The following GPC3 variants were observed in gnomAD, a reference collection of about 807,000 sequenced individuals.
GPC3 encodes the protein glypican-3.
In GPC3, 3 loss-of-function variants were observed where a neutral mutation model predicts 34.4. The ratio of observed to expected loss-of-function variants is 0.09; its 90% CI spans 0.04 to 0.23. The LOEUF (loss-of-function observed/expected upper bound fraction) is 0.23. Ranked by LOEUF, GPC3 falls within the 10% of genes least tolerant of loss-of-function variation. The probability of loss-of-function intolerance (pLI) is 1.00; values close to 1 mark genes in which losing one functional copy is unlikely to be tolerated. For missense variants in GPC3, 351 were observed against 445.6 expected (o/e 0.79, Z 1.91); for synonymous variants, 177 against 174.0 (o/e 1.02, Z -0.13).
At chrX:133,569,416 G>T (rs1398221516) in intron 7 of GPC3, among the ~76,000 whole-genome samples, 1 of 111,383 alleles carries the variant, frequency 9.0e-6, no homozygotes, top group Non-Finnish European at 1.9e-5. Flanking sequence ...GTGGGTCTGT[G>T]TGTGACTGAT....
In GPC3 at chrX:133,709,326, T is replaced by A. The variant is rs901508860; in HGVS notation, c.1033-9298A>T. On this transcript the variant is annotated intron_variant, in intron 3 of 7. Transcript: ENST00000370818. ...TTAATTATCAACTCTGATCTAGTTG[T>A]CTACTTTGGATGAGTATTACCTGTG... Among the ~76,000 whole-genome samples, 5 of 111,665 alleles carry A rather than the reference T, an allele frequency of 4.5e-5. No individual in the cohort carries two copies. The South Asian group carries it at 1.9e-3, about 42-fold the overall frequency.
intron 5 of GPC3, among the ~76,000 whole-genome samples, chrX:133,667,513 G>A (rs1419537464): frequency 9.0e-6 from 1 of 111,470 alleles, no homozygotes; most frequent in African/African-American, 3.3e-5. Flanking sequence ...CAAACCTTAG[G>A]TGGTTGACAT....
At chrX:133,881,069 T>G (rs1309154382) in intron 2 of GPC3, among the ~76,000 whole-genome samples, 1 of 112,344 alleles carries the variant, frequency 8.9e-6, no homozygotes, top group African/African-American at 3.2e-5. Flanking sequence ...AAGCCAAGTT[T>G]GTTAATCATT....
chrX:133,887,432 C>A (rs779514229), intron 2 of GPC3, among the ~76,000 whole-genome samples: 1 of 112,153 alleles, frequency 8.9e-6, no homozygotes, highest in Non-Finnish European at 1.9e-5. Flanking sequence ...TGATGTTGAG[C>A]ATTTTTTTCA....
At chrX:133,666,735 T>C (rs1481919457) in intron 5 of GPC3, among the ~76,000 whole-genome samples, 1 of 112,208 alleles carries the variant, frequency 8.9e-6, no homozygotes, top group Non-Finnish European at 1.9e-5. Context: ...CTGTATGTGT[T>C]GATATGGAAT....
intron 6 of GPC3, among the ~76,000 whole-genome samples, chrX:133,641,400 C>T (rs1483447172): frequency 5.5e-5 from 6 of 108,617 alleles, no homozygotes; most frequent in South Asian, 4.4e-4. Context: ...TGCTTGAACC[C>T]GGGAGGCAGA....
At chrX:133,756,175 G>C (rs1260785165) in intron 2 of GPC3, among the ~76,000 whole-genome samples, 1 of 112,275 alleles carries the variant, frequency 8.9e-6, no homozygotes, top group African/African-American at 3.2e-5. Flanking sequence ...CAAAATTGAG[G>C]CTCAGTAGAG....
rs748458384 is a variant in GPC3, at chrX:133,753,988, G to C, written c.526C>G (p.Pro176Ala). 2 of 1,209,286 alleles carry C rather than the reference G, an allele frequency of 1.7e-6. No homozygotes were observed. Among genetic ancestry groups the C allele is most frequent in the Non-Finnish European group, 2.2e-6 (2 of 894,812 alleles). Residue 176 changes from proline to alanine, a missense_variant, in exon 3 of 8, where the codon CCA becomes GCA. Pro to Ala is a conservative substitution (Grantham distance 27). Coordinates refer to ENST00000370818, the MANE Select transcript of GPC3 (RefSeq NM_004484.4). ...MVNELFDSLF[P>A]VIYTQLMNPG... ...TTCATTAGCTGGGTATAGATGACTG[G>C]AAACAGGCTGTCAAACAATTCATTG...
chrX:133,854,871 T>C (rs755698892), intron 2 of GPC3, among the ~76,000 whole-genome samples: 6 of 112,055 alleles, frequency 5.4e-5, no homozygotes, highest in Non-Finnish European at 1.1e-4. Context: ...TCCACACAAG[T>C]GAATTCTATG....
chrX:133,685,489 A>T (rs1307332882), intron 5 of GPC3, among the ~76,000 whole-genome samples: 1 of 111,814 alleles, frequency 8.9e-6, no homozygotes, highest in Non-Finnish European at 1.9e-5. Flanking sequence ...TAAGCAGAGA[A>T]ATCCTGAAGA....
chrX:133,911,919 A>G (rs1379295319), intron 2 of GPC3, among the ~76,000 whole-genome samples: 1 of 111,900 alleles, frequency 8.9e-6, no homozygotes, highest in African/African-American at 3.2e-5. Flanking sequence ...AGTAGTATCA[A>G]GTTTAAAATT....
chrX:133,657,492 G>A lies in GPC3; in HGVS notation c.1413+4238C>T, dbSNP rs189402205. 6.7e-3 allele frequency among the ~76,000 whole-genome samples: 747 copies of A among 111,696 alleles called. 6 individuals are homozygous for A. The highest frequency in any genetic ancestry group is 0.023 in the African/African-American group (704 of 30,671). Reference sequence around the variant, plus strand: ...CAGGACTGACACTGAGGACATAAAAGAGTTCAATTCTTTTCCTAACACAAG... The same window carrying A: ...CAGGACTGACACTGAGGACATAAAAAAGTTCAATTCTTTTCCTAACACAAG... On this transcript the variant is annotated intron_variant, in intron 6 of 7. Transcript: ENST00000370818.
At chrX:133,975,897 A>T (rs2076512638) in intron 1 of GPC3, among the ~76,000 whole-genome samples, 1 of 111,944 alleles carries the variant, frequency 8.9e-6, no homozygotes, top group Non-Finnish European at 1.9e-5. Context: ...ATGAAACCTA[A>T]CCTGGAAACT....
intron 2 of GPC3, among the ~76,000 whole-genome samples, chrX:133,888,389 T>A (rs901887212): frequency 8.9e-6 from 1 of 112,001 alleles, no homozygotes; most frequent in Non-Finnish European, 1.9e-5. Flanking sequence ...AACATACGTG[T>A]ACATGTGTCT....
intron 1 of GPC3, among the ~76,000 whole-genome samples, chrX:133,961,183 T>C (rs2076439795): frequency 9.0e-6 from 1 of 111,331 alleles, no homozygotes. Context: ...CCTTCTGTTA[T>C]TTAGCCTGAA....
chrX:133,813,990 G>T (rs1188733345), intron 2 of GPC3, among the ~76,000 whole-genome samples: 1 of 112,012 alleles, frequency 8.9e-6, no homozygotes, highest in Non-Finnish European at 1.9e-5. Context: ...CGTCAGAAAT[G>T]TAAAGGAGCC....
chrX:133,707,871 T>C (rs144843643), intron 3 of GPC3, among the ~76,000 whole-genome samples: 1,417 of 111,311 alleles, frequency 0.013, 19 homozygotes, highest in African/African-American at 0.043. Flanking sequence ...TGTAGTTTGA[T>C]GAGATTTGTA....
intron 7 of GPC3, among the ~76,000 whole-genome samples, chrX:133,553,520 G>T (rs946740865): frequency 3.6e-5 from 4 of 111,883 alleles, no homozygotes; most frequent in African/African-American, 1.3e-4. Flanking sequence ...CAGGACATAG[G>T]TTGATAGTAT....
intron 6 of GPC3, among the ~76,000 whole-genome samples, chrX:133,634,490 A>G (rs1029727665): frequency 8.9e-6 from 1 of 112,407 alleles, no homozygotes; most frequent in African/African-American, 3.2e-5. Context: ...ATGGAATGCT[A>G]CTCAGCAACA....
Sources: allele counts gnomAD v4.1 joint callset (sites outside exome capture counted in the v4.1 genomes callset), GRCh38; gene constraint gnomAD v4.1.1; transcripts MANE v1.5; gene names NCBI Gene and HGNC (gene_info 2026-07-23, HGNC 2026-07-21).